ZNF337: variants seen among roughly 807,000 people sequenced by gnomAD.
The protein encoded by ZNF337 is zinc finger protein 337.
ZNF337 carries 8 observed loss-of-function variants against 12.1 expected under a neutral mutation model. The ratio of observed to expected loss-of-function variants is 0.66; its 90% confidence interval spans 0.39 to 1.19. ZNF337 has a LOEUF of 1.19. Among genes scored for constraint, ZNF337 ranks in the 50% most tolerant of loss-of-function variants. ZNF337 has a pLI of 0.01. For missense variants in ZNF337, 882 were observed against 896.6 expected (o/e 0.98, Z 0.21); for synonymous variants, 336 against 320.0 (o/e 1.05, Z -0.53).
rs1279061410 is a variant in ZNF337, at chr20:25,673,433, G to T, written c.*1599C>A. On this transcript the variant is annotated 3_prime_UTR_variant, in exon 5 of 5. Coordinates refer to ENST00000252979, the MANE Select transcript of ZNF337 (RefSeq NM_015655.4). ...TGGCCTTAATTGTGAAGGTTCTGTG[G>T]TAATGAATGGTGGAAATGCTATTCC... Among the ~76,000 whole-genome samples the T allele has an allele frequency of 6.6e-6, 1 of 152,202 alleles. No homozygotes were observed. Among genetic ancestry groups the T allele is most frequent in the African/African-American group, 2.4e-5 (1 of 41,446 alleles).
chr20:25,695,261 ACTCT>A (rs1394570649), intron 1 of ZNF337, among the ~76,000 whole-genome samples: 3 of 151,982 alleles, frequency 2.0e-5, no homozygotes, highest in East Asian at 1.9e-4. Context: ...ACAGAGCAAG[ACTCT>A]CTCTAAAAAC....
At chr20:25,678,898 C>T (rs2065736869) in intron 4 of ZNF337, among the ~76,000 whole-genome samples, 1 of 152,180 alleles carries the variant, frequency 6.6e-6, no homozygotes, top group Admixed American at 6.5e-5. Flanking sequence ...GCTGTGATGG[C>T]ACCACTGCAC....
rs1186752616 is a variant in ZNF337, at chr20:25,686,072, C to A, written c.78G>T (p.Trp26Cys). The stretch of plus-strand genomic sequence containing the variant: ...CCCTCTGAGCAGGGCTCAGCAGCCT[C>A]CATTCCTTCTGGGTGAAATCCACAG... ...DVTVDFTQKEWRLLSPAQRAL... is the reference protein window; with the variant it reads ...DVTVDFTQKECRLLSPAQRAL... Residue 26 changes from tryptophan (W) to cysteine (C), a missense_variant, in exon 3 of 5, where the codon TGG becomes TGT. By Grantham distance (215) the Trp-to-Cys change is radical. Transcript: ENST00000252979. The A allele has an allele frequency of 2.5e-6, 4 of 1,614,132 alleles. No individual in the cohort carries two copies. The East Asian group carries it at 6.7e-5, about 27-fold the overall frequency.
At chr20:25,682,423 A>G (rs925023788) in intron 4 of ZNF337, among the ~76,000 whole-genome samples, 2 of 152,230 alleles carry the variant, frequency 1.3e-5, no homozygotes, top group Non-Finnish European at 2.9e-5. Flanking sequence ...GATATGGAAC[A>G]ATCCACTATG....
chr20:25,686,576 C>T, intron 1 of ZNF337, 110 bp from the exon 2 acceptor site: 1 of 790,984 alleles, frequency 1.3e-6, no homozygotes, highest in Non-Finnish European at 2.0e-6. Context: ...CGCACCTGCA[C>T]AATTCCCCTG....
chr20:25,677,431 A>G (rs1321956281), intron 4 of ZNF337: 4 of 166,742 alleles, frequency 2.4e-5, no homozygotes, highest in African/African-American at 9.6e-5. Flanking sequence ...ACACAAATCA[A>G]TACTTGTGAT....
In ZNF337 at chr20:25,675,109, A is replaced by T. The variant is rs769891915; in HGVS notation, c.2179T>A (p.Tyr727Asn). The T allele has an allele frequency of 5.6e-6, 9 of 1,613,950 alleles. No homozygotes were observed. In the African/African-American group the frequency reaches 1.1e-4, roughly 19 times the overall value. The change falls in exon 5 of 5, where the codon TAC becomes AAC. Residue 727 changes from tyrosine (Y) to asparagine (N), a missense_variant. Coordinates refer to ENST00000252979, the MANE Select transcript of ZNF337 (RefSeq NM_015655.4). ...TGTCTCTTTAAGTGCTTACTGTAGT[A>T]TGACTTATTGCTAAACTTTCGTCCA... ...ECGRKFSNKS[Y>N]YSKHLKRHLR...
At chr20:25,682,162 A>G (rs1332284115) in intron 4 of ZNF337, among the ~76,000 whole-genome samples, 2 of 152,230 alleles carry the variant, frequency 1.3e-5, no homozygotes, top group Admixed American at 1.3e-4. Context: ...TGAGGGTTAC[A>G]GTCACCAAAA....
chr20:25,685,688 G>A, intron 3 of ZNF337, 26 bp from the exon 4 acceptor site: 1 of 1,600,616 alleles, frequency 6.2e-7, no homozygotes, highest in African/African-American at 1.3e-5. Flanking sequence ...AAAACCATGA[G>A]GTGACTCCTG....
At chr20:25,695,098 C>T (rs1487788465) in intron 1 of ZNF337, among the ~76,000 whole-genome samples, 1 of 152,068 alleles carries the variant, frequency 6.6e-6, no homozygotes, top group Non-Finnish European at 1.5e-5. Flanking sequence ...TGGTGAAACC[C>T]CATCTCTACT....
At chr20:25,681,286 G>C (rs1372590431) in intron 4 of ZNF337, 1 of 152,144 alleles carries the variant, frequency 6.6e-6, no homozygotes, top group Non-Finnish European at 1.5e-5. Flanking sequence ...CGATACTCAA[G>C]ATGACAGAGG....
chr20:25,691,119 C>T (rs937380202), intron 1 of ZNF337, among the ~76,000 whole-genome samples: 2 of 151,980 alleles, frequency 1.3e-5, no homozygotes, highest in Non-Finnish European at 2.9e-5. Context: ...AACAAAATAC[C>T]AACAGAGATT....
Position 25,696,758 on chromosome 20 carries a change from C to T in ZNF337, c.-50+1G>A. The T allele has an allele frequency of 1.0e-6, 1 of 985,530 alleles. No individual in the cohort carries two copies. Among genetic ancestry groups the T allele is most frequent in the Non-Finnish European group, 1.2e-6 (1 of 829,988 alleles). 61.0% of individuals were successfully genotyped at this position (985,530 alleles called of 1,614,324 possible). ...GAGGGACCCGCAGGAGCGCAGCTCA[C>T]CGGGGCGGCTGAGGGCGAACCGAGG... On this transcript the variant is annotated splice_donor_variant, in intron 1 of 4. Coordinates refer to ENST00000252979, the MANE Select transcript of ZNF337 (RefSeq NM_015655.4). LOFTEE classifies it low-confidence loss of function (5UTR_SPLICE).
At position 25,674,861 on chromosome 20, in the gene ZNF337, C is replaced by T; in HGVS notation, c.*171G>A. On this transcript the variant is annotated 3_prime_UTR_variant, in exon 5 of 5. Transcript: ENST00000252979. ...TGTTCCCTAAACATTGACCTCTTTT[C>T]TCTGAATCTCTTGGGGACACATGGG... 2 of 631,732 alleles carry T rather than the reference C, an allele frequency of 3.2e-6. No individual in the cohort carries two copies. Among genetic ancestry groups the T allele is most frequent in the Non-Finnish European group, 2.7e-6 (1 of 366,840 alleles). 39.1% of individuals were successfully genotyped at this position (631,732 alleles called of 1,614,324 possible).
At chr20:25,681,188 T>C (rs900938403) in intron 4 of ZNF337, 1 of 152,262 alleles carries the variant, frequency 6.6e-6, no homozygotes, top group Non-Finnish European at 1.5e-5. Context: ...TGCCAGCACC[T>C]TCATCTTGGA....
intron 4 of ZNF337, among the ~76,000 whole-genome samples, chr20:25,684,796 T>TA (rs1484834027): frequency 3.9e-5 from 6 of 152,102 alleles, no homozygotes; most frequent in African/African-American, 1.4e-4. Context: ...TATGTGGCCA[T>TA]AAAAAAGGAT....
chr20:25,686,945 C>T (rs777188427), intron 1 of ZNF337: 1 of 154,136 alleles, frequency 6.5e-6, no homozygotes, highest in Admixed American at 6.4e-5. Flanking sequence ...AAATTAATAG[C>T]ATGGGGAGTG....
At chr20:25,696,147 G>A (rs1254688105) in intron 1 of ZNF337, among the ~76,000 whole-genome samples, 1 of 134,708 alleles carries the variant, frequency 7.4e-6, no homozygotes, top group African/African-American at 2.9e-5. Flanking sequence ...TTTGGTCCCG[G>A]CCTACACTCC....
chr20:25,690,351 A>G (rs911842343), intron 1 of ZNF337, among the ~76,000 whole-genome samples: 5 of 152,216 alleles, frequency 3.3e-5, no homozygotes, highest in African/African-American at 7.2e-5. Context: ...CCAATGTTCT[A>G]TCCTGTCCAA....
Sources: allele counts gnomAD v4.1 joint callset (sites outside exome capture counted in the v4.1 genomes callset), GRCh38; gene constraint gnomAD v4.1.1; transcripts MANE v1.5; gene names NCBI Gene and HGNC (gene_info 2026-07-23, HGNC 2026-07-21).